KCNH1: variants seen among roughly 807,000 people sequenced by gnomAD.
The protein encoded by KCNH1 is potassium voltage-gated channel subfamily H member 1.
Under a neutral mutation model 69.2 loss-of-function variants are expected in KCNH1, and 27 were observed. That is an observed-to-expected ratio of 0.39 (90% CI 0.29 to 0.54). The LOEUF (loss-of-function observed/expected upper bound fraction) is 0.54. Among genes scored for constraint, KCNH1 ranks in the 20% least tolerant of loss-of-function variants. The probability of loss-of-function intolerance (pLI) is 0.68; values close to 1 mark genes in which losing one functional copy is unlikely to be tolerated. For missense variants in KCNH1, 798 were observed against 1,261.6 expected (o/e 0.63, Z 5.57); for synonymous variants, 456 against 487.7 (o/e 0.93, Z 0.86).
In KCNH1 at chr1:210,682,710, C is replaced by G. The variant is rs894152622; in HGVS notation, c.*571G>C. 6.5e-6 allele frequency: 1 copy of G among 153,124 alleles called. No homozygotes were observed. The highest frequency in any genetic ancestry group is 2.4e-5 in the African/African-American group (1 of 41,462). The allele number at this position is 153,124 out of a possible 1,614,324, so 9.5% of individuals were successfully genotyped here. On this transcript the variant is annotated 3_prime_UTR_variant, in exon 11 of 11. Coordinates refer to ENST00000271751, the MANE Select transcript of KCNH1 (RefSeq NM_172362.3). ...CCTGCAGCTGCTTTTCTGGCCTTAA[C>G]CATGAGACAGAAAGTTTCTGAGCTC... is the stretch of plus-strand genomic sequence containing the variant.
intron 6 of KCNH1, among the ~76,000 whole-genome samples, chr1:210,934,570 C>T (rs1322415608): frequency 3.3e-5 from 5 of 151,620 alleles, no homozygotes; most frequent in African/African-American, 7.3e-5. Flanking sequence ...AACCAGGAGG[C>T]GGAGGTTGCA....
chr1:211,052,026 A>G (rs1300731923), intron 5 of KCNH1, among the ~76,000 whole-genome samples: 2 of 152,244 alleles, frequency 1.3e-5, no homozygotes, highest in Non-Finnish European at 2.9e-5. Flanking sequence ...ATCATTTATT[A>G]CTTTTTCACC....
chr1:210,905,273 C>A (rs911653105), intron 7 of KCNH1, among the ~76,000 whole-genome samples: 1 of 152,326 alleles, frequency 6.6e-6, no homozygotes, highest in East Asian at 1.9e-4. Flanking sequence ...ATAGTCCCAT[C>A]TCACAGGGTT....
intron 10 of KCNH1, among the ~76,000 whole-genome samples, chr1:210,762,215 G>C (rs976588531): frequency 6.6e-6 from 1 of 152,074 alleles, no homozygotes; most frequent in East Asian, 1.9e-4. Flanking sequence ...AAATCTCTGG[G>C]ATGCATCAAA....
chr1:210,976,859 G>T (rs1187092606), intron 6 of KCNH1, among the ~76,000 whole-genome samples: 1 of 148,044 alleles, frequency 6.8e-6, no homozygotes, highest in African/African-American at 2.5e-5. Flanking sequence ...CTGTTGGTGG[G>T]ACTGTAAACT....
chr1:210,831,016 A>G (rs1467176314), intron 7 of KCNH1, among the ~76,000 whole-genome samples: 2 of 152,206 alleles, frequency 1.3e-5, no homozygotes, highest in African/African-American at 4.8e-5. Flanking sequence ...CACTGTCATT[A>G]AAAACTGCTA....
intron 5 of KCNH1, among the ~76,000 whole-genome samples, chr1:211,065,559 A>G (rs1444646892): frequency 6.6e-6 from 1 of 152,280 alleles, no homozygotes; most frequent in Non-Finnish European, 1.5e-5. Context: ...CAAGAGATCT[A>G]TTGTATAACA....
At position 210,933,549 on chromosome 1, in the gene KCNH1, T is replaced by C. The variant is rs556749899; in HGVS notation, c.1033-13480A>G. Among the ~76,000 whole-genome samples, 5 of 149,946 alleles carry C rather than the reference T, an allele frequency of 3.3e-5. No individual in the cohort carries two copies. In the South Asian group the frequency reaches 1.1e-3, roughly 32 times the overall value. ...TTTAAAAAAAAAATCAGAACAAAAA[T>C]AAATGAAATAGAGACTAAAAACATA... On this transcript the variant is annotated intron_variant, in intron 6 of 10. Transcript: ENST00000271751.
At chr1:210,731,143 T>A (rs138740436) in intron 10 of KCNH1, among the ~76,000 whole-genome samples, 53 of 152,344 alleles carry the variant, frequency 3.5e-4, no homozygotes, top group African/African-American at 1.2e-3. Flanking sequence ...GGTGGAAGCC[T>A]TTAAAGCAGA....
In KCNH1 at chr1:210,919,582, C is replaced by T; in HGVS notation, c.1462+58G>A. On this transcript the variant is annotated intron_variant, in intron 7 of 10. Coordinates refer to ENST00000271751, the MANE Select transcript of KCNH1 (RefSeq NM_172362.3). This position sits in a 1 kb window ranked among gnomAD's most constrained non-coding sequence, Gnocchi z 4.2. ...GATCCTGCTGGCACTGTAGCCATTT[C>T]CCTGTTTCCAGCTAACAGAAGAGAT... The T allele has an allele frequency of 2.0e-6, 3 of 1,466,458 alleles. No homozygotes were observed. The highest frequency in any genetic ancestry group is 2.8e-6 in the Non-Finnish European group (3 of 1,061,924). 90.8% of individuals were successfully genotyped at this position (1,466,458 alleles called of 1,614,324 possible). A position where few individuals can be genotyped will look rare whatever the true frequency, so the allele number is the denominator to read the frequency against.
chr1:211,112,806 G>T (rs1691498974), intron 1 of KCNH1, among the ~76,000 whole-genome samples: 1 of 152,168 alleles, frequency 6.6e-6, no homozygotes, highest in African/African-American at 2.4e-5. Flanking sequence ...AAAGCCGTCT[G>T]CCTCCAACAG....
chr1:210,831,053 A>T (rs1264422495), intron 7 of KCNH1, among the ~76,000 whole-genome samples: 1 of 152,202 alleles, frequency 6.6e-6, no homozygotes, highest in Non-Finnish European at 1.5e-5. Flanking sequence ...CCTACTGATT[A>T]TGGTCCCTCA....
chr1:210,996,317 C>T (rs987184414), intron 6 of KCNH1, among the ~76,000 whole-genome samples: 5 of 152,170 alleles, frequency 3.3e-5, no homozygotes, highest in Non-Finnish European at 7.3e-5. Context: ...GCTTAAAAAA[C>T]GGCACACCAG....
At chr1:210,721,582 T>C (rs1337160855) in intron 10 of KCNH1, among the ~76,000 whole-genome samples, 3 of 152,156 alleles carry the variant, frequency 2.0e-5, no homozygotes, top group Admixed American at 6.5e-5. Context: ...AGAAACATAA[T>C]TTTTCCCAGG....
rs544870383 is a variant in KCNH1 at position 210,969,957 on chromosome 1, CATG to C, written c.1032+48823_1032+48825del. ...TGTAATCCATGCTGGAGTACAGTGA[CATG>C]ATATCTGCCCATTGCAGCCTCAATA... On this transcript the variant is annotated intron_variant, in intron 6 of 10. Transcript: ENST00000271751. Among the ~76,000 whole-genome samples, 3 of 152,174 alleles carry C rather than the reference CATG, an allele frequency of 2.0e-5. No individual in the cohort carries two copies. The South Asian group carries it at 6.2e-4, about 32-fold the overall frequency.
chr1:210,969,134 A>G (rs1688465613), intron 6 of KCNH1, among the ~76,000 whole-genome samples: 1 of 152,048 alleles, frequency 6.6e-6, no homozygotes, highest in South Asian at 2.1e-4. Context: ...ATTATGACAC[A>G]TTACCTTTTC....
At chr1:210,934,537 G>A (rs920496062) in intron 6 of KCNH1, among the ~76,000 whole-genome samples, 3 of 152,104 alleles carry the variant, frequency 2.0e-5, no homozygotes, top group Admixed American at 2.0e-4. Flanking sequence ...TACTTGGGAG[G>A]CTGAGGCAGA....
At chr1:210,779,982 A>G (rs1312377331) in intron 9 of KCNH1, among the ~76,000 whole-genome samples, 1 of 152,180 alleles carries the variant, frequency 6.6e-6, no homozygotes, top group Non-Finnish European at 1.5e-5. Flanking sequence ...CACAGAAGAA[A>G]ACTAAGCCCC....
chr1:211,002,247 C>A (rs774201584), intron 6 of KCNH1, among the ~76,000 whole-genome samples: 1 of 145,630 alleles, frequency 6.9e-6, no homozygotes, highest in African/African-American at 2.6e-5. Flanking sequence ...TATATGTATA[C>A]GTATATATAT....
Sources: allele counts gnomAD v4.1 joint callset (sites outside exome capture counted in the v4.1 genomes callset), GRCh38; gene constraint gnomAD v4.1.1; non-coding constraint Gnocchi (gnomAD v3.1); transcripts MANE v1.5; gene names NCBI Gene and HGNC (gene_info 2026-07-23, HGNC 2026-07-21).